The following CSMD1 variants were observed in gnomAD, a reference collection of about 807,000 sequenced individuals.
CSMD1 encodes the protein CUB and Sushi multiple domains 1, also known as CUB and sushi domain-containing protein 1.
A neutral mutation model predicts 417.5 loss-of-function variants in CSMD1; 213 were observed. The observed-to-expected ratio is 0.51, with a 90% CI of 0.46 to 0.57. The LOEUF (loss-of-function observed/expected upper bound fraction) is 0.57. Ranked by LOEUF, CSMD1 falls within the 20% of genes least tolerant of loss-of-function variation. The pLI is 0.00. For synonymous variants in CSMD1, 2,862 were observed against 1,736.8 expected (o/e 1.65, Z -16.11); for missense variants, 6,923 against 4,529.7 (o/e 1.53, Z -15.17).
rs1029397415 is a variant in CSMD1 at position 4,212,395 on chromosome 8, C to G, written c.416-180296G>C. Among the ~76,000 whole-genome samples the G allele has an allele frequency of 9.9e-5, 15 of 152,176 alleles. 1 individual carries two copies. In the South Asian group the frequency reaches 2.1e-3, roughly 21 times the overall value. On this transcript the variant is annotated intron_variant, in intron 3 of 69. Coordinates refer to ENST00000635120, the MANE Select transcript of CSMD1 (RefSeq NM_033225.6). ...ATAGAGAATCTCACTAAGATGAAAG[C>G]CATACTTTTCATGTTTTGACATTAA...
At chr8:3,532,550 G>A (rs963671053) in intron 10 of CSMD1, among the ~76,000 whole-genome samples, 1 of 152,116 alleles carries the variant, frequency 6.6e-6, no homozygotes, top group Non-Finnish European at 1.5e-5. Flanking sequence ...TTTGAGAAAT[G>A]GACGTAGGTT....
intron 7 of CSMD1, among the ~76,000 whole-genome samples, chr8:3,660,466 C>A (rs935270228): frequency 7.9e-6 from 1 of 126,686 alleles, no homozygotes; most frequent in African/African-American, 2.9e-5. Context: ...TAAACTAGGG[C>A]TCAGATCAAG....
chr8:3,324,309 G>A (rs1442708383), intron 23 of CSMD1, among the ~76,000 whole-genome samples: 1 of 151,830 alleles, frequency 6.6e-6, no homozygotes, highest in Non-Finnish European at 1.5e-5. Flanking sequence ...CCAGGAGGGG[G>A]AGTTTCCTTC....
chr8:4,178,773 G>A (rs2460376), intron 3 of CSMD1, among the ~76,000 whole-genome samples: 149,557 of 152,268 alleles, frequency 0.98, 73,499 homozygotes, highest in Middle Eastern at 1. Flanking sequence ...TACAAGCATT[G>A]TTATACACCA....
intron 11 of CSMD1, among the ~76,000 whole-genome samples, chr8:3,478,144 T>G (rs1397644064): frequency 6.6e-6 from 1 of 152,234 alleles, no homozygotes; most frequent in Admixed American, 6.5e-5. Flanking sequence ...TTATTTACTG[T>G]GCTGAAATCC....
intron 7 of CSMD1, among the ~76,000 whole-genome samples, chr8:3,642,585 C>T (rs988445205): frequency 2.0e-5 from 3 of 152,104 alleles, no homozygotes; most frequent in African/African-American, 4.8e-5. Flanking sequence ...GGATGAAAAG[C>T]AATTCACAAA....
chr8:3,621,215 T>C (rs1796228174), intron 7 of CSMD1, among the ~76,000 whole-genome samples: 1 of 152,140 alleles, frequency 6.6e-6, no homozygotes, highest in Admixed American at 6.6e-5. Context: ...GCGAGTAGCG[T>C]AGCACTTTTT....
At chr8:3,814,753 C>A in intron 5 of CSMD1, among the ~76,000 whole-genome samples, 1 of 152,286 alleles carries the variant, frequency 6.6e-6, no homozygotes, top group East Asian at 1.9e-4. Flanking sequence ...CCACAACTTG[C>A]ATTTCCAATG....
At chr8:4,187,686 A>AAAAAG (rs1243437679) in intron 3 of CSMD1, among the ~76,000 whole-genome samples, 3 of 151,602 alleles carry the variant, frequency 2.0e-5, no homozygotes, top group Non-Finnish European at 2.9e-5. Context: ...CAAAAAAAAA[A>AAAAAG]AAAAAAAAGC....
At chr8:4,163,688 T>C (rs918370927) in intron 3 of CSMD1, among the ~76,000 whole-genome samples, 5 of 152,164 alleles carry the variant, frequency 3.3e-5, no homozygotes, top group African/African-American at 4.8e-5. Flanking sequence ...AAGTAACATA[T>C]AAATAATAAA....
chr8:3,327,324 G>A (rs968122745), intron 23 of CSMD1, among the ~76,000 whole-genome samples: 2 of 151,924 alleles, frequency 1.3e-5, no homozygotes, highest in African/African-American at 4.8e-5. Context: ...TTGTAGAGAT[G>A]GGGTTTCACC....
chr8:3,734,538 C>G (rs1478352042), intron 6 of CSMD1, among the ~76,000 whole-genome samples: 1 of 152,150 alleles, frequency 6.6e-6, no homozygotes, highest in South Asian at 2.1e-4. Flanking sequence ...TGGTGAAACC[C>G]TGTCTCTACT....
intron 5 of CSMD1, among the ~76,000 whole-genome samples, chr8:3,904,665 C>G (rs1267971776): frequency 9.4e-5 from 11 of 116,434 alleles, no homozygotes; most frequent in African/African-American, 3.6e-4. Context: ...GAGATGAAGT[C>G]TTACTCTGTC....
chr8:4,653,308 G>C (rs1027240512), intron 1 of CSMD1, among the ~76,000 whole-genome samples: 1 of 152,090 alleles, frequency 6.6e-6, no homozygotes. Flanking sequence ...ACGATCACTA[G>C]GCGCAACCAC....
intron 7 of CSMD1, among the ~76,000 whole-genome samples, chr8:3,668,278 C>T (rs1175604232): frequency 6.6e-6 from 1 of 152,098 alleles, no homozygotes; most frequent in East Asian, 1.9e-4. Flanking sequence ...GCGAAGATGG[C>T]CCTGTGTAAA....
intron 3 of CSMD1, among the ~76,000 whole-genome samples, chr8:4,272,353 A>G (rs1269327239): frequency 6.6e-6 from 1 of 152,184 alleles, no homozygotes; most frequent in Non-Finnish European, 1.5e-5. Context: ...TTATTCCACT[A>G]ATTGCTGTAC....
At chr8:4,101,144 A>G (rs1378394954) in intron 3 of CSMD1, among the ~76,000 whole-genome samples, 2 of 152,212 alleles carry the variant, frequency 1.3e-5, no homozygotes, top group Non-Finnish European at 2.9e-5. Context: ...CAGGACACTT[A>G]AGAACCACTC....
intron 7 of CSMD1, among the ~76,000 whole-genome samples, chr8:3,643,700 C>CA (rs66500235): frequency 0.02 from 1,662 of 84,916 alleles, 28 homozygotes; most frequent in African/African-American, 0.037. Context: ...GACTCCGTCT[C>CA]AAAAAAAAAA....
chr8:3,586,111 G>T (rs768070263), intron 9 of CSMD1, 25 bp downstream of exon 9: 2 of 1,603,080 alleles, frequency 1.2e-6, no homozygotes, highest in Non-Finnish European at 8.5e-7. Context: ...GATAATCCAG[G>T]CTTTACCCAC....
Sources: gnomAD v4.1 joint callset for allele counts (sites outside exome capture counted in the v4.1 genomes callset) on GRCh38, gnomAD v4.1.1 for gene constraint, MANE v1.5 for transcripts, NCBI Gene and HGNC (gene_info 2026-07-23, HGNC 2026-07-21) for gene names.